The following STXBP5L variants were observed in gnomAD, a reference collection of about 807,000 sequenced individuals.
STXBP5L encodes the protein syntaxin-binding protein 5-like.
In STXBP5L, 65 loss-of-function variants were observed where a neutral mutation model predicts 144.5. The observed-to-expected ratio is 0.45, with a 90% CI of 0.37 to 0.55. The LOEUF is 0.55. STXBP5L is among the 20% of genes least tolerant of loss of function. The pLI, the probability that STXBP5L is intolerant of heterozygous loss-of-function variation, is 0.00. For missense variants in STXBP5L, 1,298 were observed against 1,405.5 expected (o/e 0.92, Z 1.22); for synonymous variants, 505 against 469.6 (o/e 1.08, Z -0.97).
chr3:120,992,846 G>T lies in STXBP5L; in HGVS notation c.287+37809G>T, dbSNP rs565821744. 4.6e-4 allele frequency among the ~76,000 whole-genome samples: 70 copies of T among 152,058 alleles called. 1 individual carries two copies. Among genetic ancestry groups the T allele is most frequent in the Non-Finnish European group, 5.3e-4 (36 of 67,940 alleles). On this transcript the variant is annotated intron_variant, in intron 3 of 26. Coordinates refer to ENST00000471454, the MANE Select transcript of STXBP5L (RefSeq NM_001308330.2). Reference sequence around the variant, plus strand: ...TAGTAGAATGCTGGATAATATGGTAGTTCTATTTTTAGCTTTTTGAGGAAC... The same window carrying T: ...TAGTAGAATGCTGGATAATATGGTATTTCTATTTTTAGCTTTTTGAGGAAC...
intron 9 of STXBP5L, among the ~76,000 whole-genome samples, chr3:121,162,580 T>C (rs2046362463): frequency 6.6e-6 from 1 of 152,122 alleles, no homozygotes; most frequent in Non-Finnish European, 1.5e-5. Context: ...GGGATCTAAT[T>C]AAACTAAAGA....
At chr3:121,003,459 G>T (rs1257977231) in intron 3 of STXBP5L, among the ~76,000 whole-genome samples, 1 of 152,180 alleles carries the variant, frequency 6.6e-6, no homozygotes, top group Non-Finnish European at 1.5e-5. Flanking sequence ...TTAGCCCTTT[G>T]TCAGATGAGT....
At chr3:120,990,158 C>T (rs1242175331) in intron 3 of STXBP5L, among the ~76,000 whole-genome samples, 14 of 152,096 alleles carry the variant, frequency 9.2e-5, no homozygotes, top group Admixed American at 9.2e-4. Context: ...TTCTTATACA[C>T]CAATAACAGA....
At chr3:121,093,201 A>G (rs1211969090) in intron 5 of STXBP5L, among the ~76,000 whole-genome samples, 1 of 152,142 alleles carries the variant, frequency 6.6e-6, no homozygotes, top group Non-Finnish European at 1.5e-5. Context: ...TTTTTGCATC[A>G]ATGTTCATCA....
chr3:121,349,262 G>A (rs1375457337), intron 20 of STXBP5L, among the ~76,000 whole-genome samples: 4 of 152,094 alleles, frequency 2.6e-5, no homozygotes, highest in African/African-American at 9.7e-5. Context: ...ATGAAGTTGA[G>A]CGGTTTTGAG....
At chr3:121,267,131 G>A (rs1048689686) in intron 18 of STXBP5L, among the ~76,000 whole-genome samples, 26 of 152,178 alleles carry the variant, frequency 1.7e-4, no homozygotes, top group Admixed American at 6.6e-5. Context: ...GAACAAAGCT[G>A]GAGGCATCAT....
At chr3:121,338,203 A>G (rs891340229) in intron 20 of STXBP5L, among the ~76,000 whole-genome samples, 1 of 152,156 alleles carries the variant, frequency 6.6e-6, no homozygotes, top group Non-Finnish European at 1.5e-5. Flanking sequence ...AATTATAAAG[A>G]TCAGAGCAGA....
chr3:121,265,181 C>T (rs768286113), intron 18 of STXBP5L, among the ~76,000 whole-genome samples: 9 of 152,194 alleles, frequency 5.9e-5, no homozygotes, highest in Non-Finnish European at 8.8e-5. Context: ...TTCTTCTCAG[C>T]ACCACAATGC....
chr3:121,344,548 T>C (rs2044872262), intron 20 of STXBP5L, among the ~76,000 whole-genome samples: 1 of 152,112 alleles, frequency 6.6e-6, no homozygotes, highest in Non-Finnish European at 1.5e-5. Flanking sequence ...ATTCATTTAA[T>C]TGTAAAACTA....
intron 2 of STXBP5L, among the ~76,000 whole-genome samples, chr3:120,926,075 T>C (rs1384775897): frequency 6.6e-6 from 1 of 152,222 alleles, no homozygotes; most frequent in Non-Finnish European, 1.5e-5. Flanking sequence ...GGTTTCATAG[T>C]AGAATTATAG....
At chr3:121,084,101 T>C (rs2042379214) in intron 5 of STXBP5L, among the ~76,000 whole-genome samples, 1 of 151,800 alleles carries the variant, frequency 6.6e-6, no homozygotes, top group South Asian at 2.1e-4. Flanking sequence ...TCTTTACTAT[T>C]TTTTTTTACT....
chr3:121,060,245 A>T (rs188438680), intron 5 of STXBP5L, among the ~76,000 whole-genome samples: 63 of 151,802 alleles, frequency 4.2e-4, no homozygotes, highest in Non-Finnish European at 6.8e-4. Flanking sequence ...GGTTTCTGTC[A>T]TTTTTTCTGT....
intron 22 of STXBP5L, among the ~76,000 whole-genome samples, chr3:121,394,404 CTTT>C (rs35932511): frequency 6.7e-6 from 1 of 148,262 alleles, no homozygotes; most frequent in South Asian, 2.1e-4. Context: ...ATTTGAATGC[CTTT>C]TTTTTTTTCT....
At chr3:121,253,730 G>A (rs1260169255) in intron 15 of STXBP5L, among the ~76,000 whole-genome samples, 2 of 149,106 alleles carry the variant, frequency 1.3e-5, no homozygotes, top group Non-Finnish European at 3.0e-5. Flanking sequence ...CTGGGTTCAC[G>A]CCATTCTCCT....
chr3:121,054,655 G>A (rs9866746), intron 5 of STXBP5L, among the ~76,000 whole-genome samples: 37,919 of 150,224 alleles, frequency 0.25, 4,942 homozygotes, highest in African/African-American at 0.28. Context: ...CGAGTTAATG[G>A]GTGCAGCACA....
rs2108650626 is a variant in STXBP5L, at chr3:121,366,962, G to A, written c.2177-11754G>A. On this transcript the variant is annotated intron_variant, in intron 20 of 26. Coordinates refer to ENST00000471454, the MANE Select transcript of STXBP5L (RefSeq NM_001308330.2). Reference sequence around the variant, plus strand: ...TTTGGCTTACATTTAATATCCTAAAGTTATAACACTAAGATTTGAATTGAT... The same window carrying A: ...TTTGGCTTACATTTAATATCCTAAAATTATAACACTAAGATTTGAATTGAT... Among the ~76,000 whole-genome samples, 2 of 152,202 alleles carry A rather than the reference G, an allele frequency of 1.3e-5. 1 individual carries two copies. Among genetic ancestry groups the A allele is most frequent in the South Asian group, 4.1e-4 (2 of 4,826 alleles).
intron 19 of STXBP5L, among the ~76,000 whole-genome samples, chr3:121,301,883 C>T (rs1383776057): frequency 2.0e-5 from 3 of 152,118 alleles, no homozygotes; most frequent in Non-Finnish European, 4.4e-5. Context: ...GCCTTGCATC[C>T]CAGGGATGAA....
At chr3:121,235,611 T>C (rs1455858662) in intron 12 of STXBP5L, among the ~76,000 whole-genome samples, 2 of 152,130 alleles carry the variant, frequency 1.3e-5, no homozygotes, top group African/African-American at 4.8e-5. Context: ...CTTCTAACTC[T>C]GTAATCTTAG....
At chr3:121,283,229 A>C (rs1389317640) in intron 19 of STXBP5L, among the ~76,000 whole-genome samples, 1 of 152,002 alleles carries the variant, frequency 6.6e-6, no homozygotes, top group Non-Finnish European at 1.5e-5. Context: ...TTCAGACCTC[A>C]CCAGTTCATA....
Sources: gnomAD v4.1 joint callset for allele counts (sites outside exome capture counted in the v4.1 genomes callset) on GRCh38, gnomAD v4.1.1 for gene constraint, MANE v1.5 for transcripts, NCBI Gene and HGNC (gene_info 2026-07-23, HGNC 2026-07-21) for gene names.